SGPP2: variants seen among roughly 807,000 people sequenced by gnomAD.
SGPP2 encodes sphingosine-1-phosphate phosphatase 2.
A neutral mutation model predicts 33.9 loss-of-function variants in SGPP2; 30 were observed. The observed-to-expected ratio is 0.89, with a 90% CI of 0.66 to 1.20. The LOEUF (loss-of-function observed/expected upper bound fraction) is 1.20, where lower values mean the gene tolerates loss of function less well. SGPP2 is among the 50% of genes most tolerant of loss of function. The pLI is 0.00. For synonymous variants in SGPP2, 233 were observed against 225.0 expected, an observed-to-expected ratio of 1.04 and a Z score of -0.32; for missense variants, 458 against 532.1, an observed-to-expected ratio of 0.86 and a Z score of 1.37.
At chr2:222,498,622 A>G (rs542670214) in intron 2 of SGPP2, among the ~76,000 whole-genome samples, 60 of 152,252 alleles carry the variant, frequency 3.9e-4, no homozygotes, top group African/African-American at 1.4e-3. Context: ...AAGCTGCCAG[A>G]TACTGTTCCA....
intron 4 of SGPP2, among the ~76,000 whole-genome samples, chr2:222,536,418 C>T (rs746898990): frequency 8.5e-5 from 13 of 152,186 alleles, no homozygotes; most frequent in African/African-American, 2.2e-4. Context: ...CAGTGGCACA[C>T]GCCTGTAATC....
intron 4 of SGPP2, among the ~76,000 whole-genome samples, chr2:222,549,445 A>C (rs1278085298): frequency 6.6e-6 from 1 of 152,250 alleles, no homozygotes; most frequent in Non-Finnish European, 1.5e-5. Flanking sequence ...GTTCACTAAA[A>C]AAAGGAGTGT....
intron 2 of SGPP2, among the ~76,000 whole-genome samples, chr2:222,478,036 T>C (rs1697974462): frequency 6.6e-6 from 1 of 152,100 alleles, no homozygotes; most frequent in African/African-American, 2.4e-5. Flanking sequence ...CTGAGAGTTC[T>C]GTAGTTATTC....
intron 1 of SGPP2, among the ~76,000 whole-genome samples, chr2:222,450,221 C>T (rs1445893717): frequency 6.6e-6 from 1 of 152,190 alleles, no homozygotes; most frequent in Non-Finnish European, 1.5e-5. Context: ...CAGACCATGC[C>T]TGGCAGATGG....
chr2:222,467,561 C>G (rs1320623901), intron 1 of SGPP2, among the ~76,000 whole-genome samples: 1 of 152,122 alleles, frequency 6.6e-6, no homozygotes, highest in Non-Finnish European at 1.5e-5. Context: ...CACTTTGCCT[C>G]TAGCATCCAT....
At chr2:222,467,370 C>G (rs73993565) in intron 1 of SGPP2, among the ~76,000 whole-genome samples, 1,952 of 152,272 alleles carry the variant, frequency 0.013, 39 homozygotes, top group African/African-American at 0.044. Flanking sequence ...TTTGCCTGCT[C>G]TGATCTGAGT....
chr2:222,468,919 T>C (rs1436090759), intron 1 of SGPP2, among the ~76,000 whole-genome samples: 1 of 152,190 alleles, frequency 6.6e-6, no homozygotes, highest in Non-Finnish European at 1.5e-5. Context: ...TTTAGGGAAA[T>C]GTGCATTTAA....
chr2:222,433,504 C>G (rs994256825), intron 1 of SGPP2, among the ~76,000 whole-genome samples: 2 of 152,126 alleles, frequency 1.3e-5, no homozygotes, highest in Non-Finnish European at 2.9e-5. Flanking sequence ...ACCTGTGTAC[C>G]CTCAGGGCCT....
chr2:222,527,241 GACAAC>G (rs1331600441), intron 4 of SGPP2, among the ~76,000 whole-genome samples: 1 of 152,086 alleles, frequency 6.6e-6, no homozygotes, highest in African/African-American at 2.4e-5. Flanking sequence ...ACACTTAGTA[GACAAC>G]AGAATAGTGT....
intron 1 of SGPP2, among the ~76,000 whole-genome samples, chr2:222,441,830 A>T (rs1697329654): frequency 6.6e-6 from 1 of 152,320 alleles, no homozygotes; most frequent in Admixed American, 6.5e-5. Flanking sequence ...TATCATTGAC[A>T]TCTTTTTTAA....
intron 1 of SGPP2, among the ~76,000 whole-genome samples, chr2:222,433,573 G>A (rs2106058619): frequency 6.6e-6 from 1 of 152,250 alleles, no homozygotes; most frequent in East Asian, 1.9e-4. Context: ...CTTGAAAGGT[G>A]CGCTAAACTC....
At chr2:222,545,245 G>T (rs1476220099) in intron 4 of SGPP2, among the ~76,000 whole-genome samples, 1 of 150,134 alleles carries the variant, frequency 6.7e-6, no homozygotes, top group Non-Finnish European at 1.5e-5. Flanking sequence ...GTAAACTTTG[G>T]CAATCAAACA....
chr2:222,558,973 G>C lies in SGPP2; in HGVS notation c.*75G>C. 1 of 1,451,730 alleles carries C rather than the reference G, an allele frequency of 6.9e-7. No individual in the cohort carries two copies. The highest frequency in any genetic ancestry group is 9.4e-7 in the Non-Finnish European group (1 of 1,068,172). The allele number at this position is 1,451,730 out of a possible 1,614,324, so 89.9% of individuals were successfully genotyped here. On this transcript the variant is annotated 3_prime_UTR_variant, in exon 5 of 5. Coordinates refer to ENST00000321276, the MANE Select transcript of SGPP2 (RefSeq NM_152386.4). ...GGAAAGTTATTGGTAGGCAAATCTTGACAACTTATTTTTCTTTAACAACAA... is the reference window on the plus strand; with the variant it reads ...GGAAAGTTATTGGTAGGCAAATCTTCACAACTTATTTTTCTTTAACAACAA...
At chr2:222,498,248 G>A (rs1441234026) in intron 2 of SGPP2, 1 of 152,102 alleles carries the variant, frequency 6.6e-6, no homozygotes, top group Non-Finnish European at 1.5e-5. Context: ...TGGATGAGGT[G>A]CCCTCAACTC....
At chr2:222,455,465 T>C (rs1403358045) in intron 1 of SGPP2, among the ~76,000 whole-genome samples, 2 of 151,644 alleles carry the variant, frequency 1.3e-5, no homozygotes, top group Non-Finnish European at 2.9e-5. Context: ...ACGGCCAGAG[T>C]GGCTGGAACA....
rs1159796546 is a variant in SGPP2 at position 222,536,108 on chromosome 2, G to A, written c.648+11075G>A. Among the ~76,000 whole-genome samples the A allele has an allele frequency of 3.3e-5, 5 of 152,310 alleles. No homozygotes were observed. In the East Asian group the frequency reaches 7.7e-4, roughly 24 times the overall value. ...TTGATGAAATCTTCCATAGGAGCCA[G>A]GCTCCGTTTGCTTCTTTCTTTTATT... On this transcript the variant is annotated intron_variant, in intron 4 of 4. Transcript: ENST00000321276.
rs13398445 is a variant in SGPP2, at chr2:222,477,959, A to T, written c.378+3233A>T. ...ACCTCTGAATCTGCAGTTTGTCCTG[A>T]GGTTTGGCCACCTGTTACTTGACTT... On this transcript the variant is annotated intron_variant, in intron 2 of 4. Transcript: ENST00000321276. This position sits in a 1 kb window ranked among gnomAD's most constrained non-coding sequence, Gnocchi z 6.0. 0.14 allele frequency among the ~76,000 whole-genome samples: 21,026 copies of T among 152,072 alleles called. 1,572 individuals carry two copies. The highest frequency in any genetic ancestry group is 0.19 in the East Asian group (990 of 5,176).
intron 1 of SGPP2, among the ~76,000 whole-genome samples, chr2:222,425,782 G>T (rs1697060171): frequency 6.6e-6 from 1 of 152,180 alleles, no homozygotes; most frequent in South Asian, 2.1e-4. Context: ...TGAAAGAAAG[G>T]TGGCCTTTAC....
rs141567826 is a variant in SGPP2, at chr2:222,476,750, G to A, written c.378+2024G>A. ...TGTGTATATAGGTGTGTGTGTATAT[G>A]TATGTATATAGGTGTGTATATATGC... On this transcript the variant is annotated intron_variant, in intron 2 of 4. Transcript: ENST00000321276. This position sits in a 1 kb window ranked among gnomAD's most constrained non-coding sequence, Gnocchi z 4.3. Among the ~76,000 whole-genome samples, 296 of 150,310 alleles carry A rather than the reference G, an allele frequency of 2.0e-3. 5 individuals carry two copies. In the South Asian group the frequency reaches 0.033, roughly 17 times the overall value.
Sources: allele counts gnomAD v4.1 joint callset (sites outside exome capture counted in the v4.1 genomes callset), GRCh38; gene constraint gnomAD v4.1.1; non-coding constraint Gnocchi (gnomAD v3.1); transcripts MANE v1.5; gene names NCBI Gene and HGNC (gene_info 2026-07-23, HGNC 2026-07-21).